Variants in EZH1 observed in about 807,000 individuals in gnomAD.
EZH1 encodes histone-lysine N-methyltransferase EZH1.
A neutral mutation model predicts 100.5 loss-of-function variants in EZH1; 33 were observed. That is an observed-to-expected ratio of 0.33 (90% confidence interval 0.25 to 0.44). The LOEUF is 0.44. Ranked by LOEUF, EZH1 falls within the 20% of genes least tolerant of loss-of-function variation. EZH1 has a pLI of 1.00. For synonymous variants in EZH1, 272 were observed against 313.8 expected, an observed-to-expected ratio of 0.87 and a Z score of 1.41; for missense variants, 475 against 928.4, an observed-to-expected ratio of 0.51 and a Z score of 6.35.
chr17:42,734,908 G>A (rs1348499852), intron 1 of EZH1, among the ~76,000 whole-genome samples: 3 of 149,594 alleles, frequency 2.0e-5, no homozygotes, highest in Admixed American at 1.3e-4. Context: ...CAGGAGAATC[G>A]CTTGAACCTG....
At chr17:42,723,047 G>C in intron 5 of EZH1, 132 bp from the exon 6 acceptor site, 4 of 1,343,714 alleles carry the variant, frequency 3.0e-6, no homozygotes, top group Non-Finnish European at 4.0e-6. Flanking sequence ...AGAGTTTCCT[G>C]CATTTTAAAC....
At chr17:42,732,738 C>T (rs1295528666) in intron 1 of EZH1, among the ~76,000 whole-genome samples, 1 of 152,168 alleles carries the variant, frequency 6.6e-6, no homozygotes, top group Non-Finnish European at 1.5e-5. Context: ...CACTGCACTC[C>T]AGCCTGGGCG....
intron 1 of EZH1, among the ~76,000 whole-genome samples, chr17:42,732,619 T>A (rs1478067535): frequency 1.3e-5 from 2 of 151,896 alleles, no homozygotes; most frequent in Non-Finnish European, 2.9e-5. Flanking sequence ...ATACAAAAAA[T>A]TAGCCTGGCG....
At position 42,701,198 on chromosome 17, in the gene EZH1, C is replaced by T. The variant is rs1433701943; in HGVS notation, c.*1334G>A. 1 of 152,820 alleles carries T rather than the reference C, an allele frequency of 6.5e-6. No individual in the cohort carries two copies. The highest frequency in any genetic ancestry group is 2.4e-5 in the African/African-American group (1 of 41,444). The allele number at this position is 152,820 out of a possible 1,614,324, so 9.5% of individuals were successfully genotyped here. A position where few individuals can be genotyped will look rare whatever the true frequency, so the allele number is the denominator to read the frequency against. ...GAGACAGGACTGGAGGAGAATCTCC[C>T]ACCCTCTCTTCTTCCCCCTCCCTCA... is the stretch of plus-strand genomic sequence containing the variant. On this transcript the variant is annotated 3_prime_UTR_variant, in exon 21 of 21. Coordinates refer to ENST00000428826, the MANE Select transcript of EZH1 (RefSeq NM_001991.5).
Position 42,727,648 on chromosome 17 carries a change from G to A in EZH1, c.233C>T (p.Pro78Leu), listed in dbSNP as rs745361319. The change falls in exon 4 of 21, where the codon CCT becomes CTT. Residue 78 changes from proline (P) to leucine (L), a missense_variant. Pro to Leu is a moderately conservative substitution (Grantham distance 98). Around this residue, in one of 8 missense-constraint regions of EZH1, gnomAD observed 105 missense variants for 129.8 expected, o/e 0.81. Coordinates refer to ENST00000428826, the MANE Select transcript of EZH1 (RefSeq NM_001991.5). ...TCCCAAAAGTACCTTTTTGAGAAAA[G>A]GGTGTCCACTCACAGGCTTCATTGA... Reference protein sequence around the residue: ...VQSMKPVSGHPFLKKCTIESI... With the variant: ...VQSMKPVSGHLFLKKCTIESI... 7 of 1,612,326 alleles carry A rather than the reference G, an allele frequency of 4.3e-6. No individual in the cohort carries two copies. The Admixed American group carries it at 5.0e-5, about 12-fold the overall frequency.
At position 42,708,626 on chromosome 17, in the gene EZH1, G is replaced by A. The variant is rs2053410447; in HGVS notation, c.1534+250C>T. Among the ~76,000 whole-genome samples the A allele has an allele frequency of 2.6e-5, 4 of 152,204 alleles. No homozygotes were observed. The South Asian group carries it at 8.3e-4, about 31-fold the overall frequency. ...GCCAAGATTGTGCCACTGCACTCCA[G>A]CCTGGGTGACAGAGCGAGGCTCCAT... On this transcript the variant is annotated intron_variant, in intron 14 of 20. Coordinates refer to ENST00000428826, the MANE Select transcript of EZH1 (RefSeq NM_001991.5).
At position 42,709,904 on chromosome 17, in the gene EZH1, G is replaced by T. The variant is rs754701931; in HGVS notation, c.1435C>A (p.Leu479Met). ...FQFAVKESLI[L>M]KLPTDELMNP... ...ATGAGCTCATCTGTTGGCAGCTTCAGGATAAGTGATTCTTTGACTGCAAAC... is the reference window on the plus strand; with the variant it reads ...ATGAGCTCATCTGTTGGCAGCTTCATGATAAGTGATTCTTTGACTGCAAAC... Residue 479 changes from leucine to methionine, a missense_variant, in exon 13 of 21, where the codon CTG (leucine) becomes ATG (methionine). Physicochemically the swap from Leu to Met is conservative, Grantham distance 15. Around this residue, in one of 8 missense-constraint regions of EZH1, gnomAD observed 83 missense variants for 142.1 expected, o/e 0.58. Coordinates refer to ENST00000428826, the MANE Select transcript of EZH1 (RefSeq NM_001991.5). 1.2e-6 allele frequency: 2 copies of T among 1,614,174 alleles called. No homozygotes were observed. The highest frequency in any genetic ancestry group is 1.3e-5 in the African/African-American group (1 of 75,044).
At chr17:42,705,052 C>T (rs2053324043) in intron 17 of EZH1, 36 bp downstream of exon 17, 1 of 1,531,806 alleles carries the variant, frequency 6.5e-7, no homozygotes, top group Non-Finnish European at 9.0e-7. Flanking sequence ...TCAGTCTCCC[C>T]CGAGTAAGAA....
intron 1 of EZH1, among the ~76,000 whole-genome samples, chr17:42,740,303 A>G (rs1349565130): frequency 1.3e-5 from 2 of 148,878 alleles, no homozygotes; most frequent in Admixed American, 6.7e-5. Flanking sequence ...GCAGTGGTGC[A>G]ATCTCAGCTC....
chr17:42,707,195 A>T (rs1264838331), intron 15 of EZH1, among the ~76,000 whole-genome samples: 2 of 152,156 alleles, frequency 1.3e-5, no homozygotes, highest in African/African-American at 2.4e-5. Context: ...TGAATAAAAA[A>T]TTTTTTAAAA....
At chr17:42,709,048 A>G in intron 13 of EZH1, 132 bp from the exon 14 acceptor site, 1 of 960,890 alleles carries the variant, frequency 1.0e-6, no homozygotes, top group South Asian at 1.4e-5. Context: ...ACCCCTCAAC[A>G]GGACGACTTT....
At chr17:42,741,805 C>G (rs2054181718) in intron 1 of EZH1, among the ~76,000 whole-genome samples, 1 of 152,142 alleles carries the variant, frequency 6.6e-6, no homozygotes, top group Non-Finnish European at 1.5e-5. Context: ...CCTCCCTACT[C>G]AGCCTCCTGA....
At chr17:42,728,997 T>G in intron 2 of EZH1, 45 bp from the exon 3 acceptor site, 1 of 1,451,358 alleles carries the variant, frequency 6.9e-7, no homozygotes, top group Non-Finnish European at 9.1e-7. Flanking sequence ...TGCCTGGAAA[T>G]AAAGCATTCC....
chr17:42,714,653 G>C, intron 10 of EZH1: 1 of 263,718 alleles, frequency 3.8e-6, no homozygotes, highest in Non-Finnish European at 7.7e-6. Flanking sequence ...ATTTAAAAAT[G>C]AAGTTTTTTT....
chr17:42,737,071 C>T (rs1455479350), intron 1 of EZH1, among the ~76,000 whole-genome samples: 1 of 148,440 alleles, frequency 6.7e-6, no homozygotes, highest in Non-Finnish European at 1.5e-5. Flanking sequence ...CTGCAACCTC[C>T]ACCTTCTGGG....
chr17:42,713,153 G>C, intron 11 of EZH1, 56 bp downstream of exon 11: 1 of 1,556,138 alleles, frequency 6.4e-7, no homozygotes, highest in East Asian at 2.3e-5. Flanking sequence ...AGTGATCCTG[G>C]GTTTACCAGA....
At chr17:42,714,921 A>AATTTATATAT (rs1392106042) in intron 10 of EZH1, among the ~76,000 whole-genome samples, 78 of 138,518 alleles carry the variant, frequency 5.6e-4, no homozygotes, top group African/African-American at 2.0e-3. Context: ...ATAATTATAT[A>AATTTATATAT]ATTTATATAA....
chr17:42,718,212 G>A lies in EZH1; in HGVS notation c.932-145C>T. On this transcript the variant is annotated intron_variant, in intron 9 of 20. Coordinates refer to ENST00000428826, the MANE Select transcript of EZH1 (RefSeq NM_001991.5). The surrounding 1 kb of genome is among the most constrained non-coding windows in gnomAD (Gnocchi z 4.2). Reference sequence around the variant, plus strand: ...GGGTGCACAAAATTCAGTCATTTCTGACATCAACACAATGCTTTCAAAGCT... The same window carrying A: ...GGGTGCACAAAATTCAGTCATTTCTAACATCAACACAATGCTTTCAAAGCT... 3.5e-6 allele frequency: 3 copies of A among 862,842 alleles called. No individual in the cohort carries two copies. The South Asian group carries it at 5.0e-5, about 14-fold the overall frequency. The allele number at this position is 862,842 out of a possible 1,614,324, so 53.4% of individuals were successfully genotyped here. A position where few individuals can be genotyped will look rare whatever the true frequency, so the allele number is the denominator to read the frequency against.
intron 1 of EZH1, among the ~76,000 whole-genome samples, chr17:42,733,424 G>A (rs527647686): frequency 1.4e-4 from 21 of 151,668 alleles, no homozygotes; most frequent in Admixed American, 1.3e-4. Flanking sequence ...GGCGGATCAC[G>A]AGGTCAGGAG....
Sources: gnomAD v4.1 joint callset for allele counts (sites outside exome capture counted in the v4.1 genomes callset) on GRCh38, gnomAD v4.1.1 for gene constraint, gnomAD v4.1.1 regional missense constraint, Gnocchi (gnomAD v3.1) non-coding constraint, MANE v1.5 for transcripts, NCBI Gene and HGNC (gene_info 2026-07-23, HGNC 2026-07-21) for gene names.